The following ARAP2 variants were observed in gnomAD, a reference collection of about 807,000 sequenced individuals.
ARAP2 encodes arf-GAP with Rho-GAP domain, ANK repeat and PH domain-containing protein 2.
A neutral mutation model predicts 194.5 loss-of-function variants in ARAP2; 148 were observed. That is an observed-to-expected ratio of 0.76 (90% CI 0.67 to 0.87). ARAP2 has a LOEUF of 0.87. Ranked by LOEUF, ARAP2 falls within the 40% of genes least tolerant of loss-of-function variation. ARAP2 has a pLI of 0.00. For missense variants in ARAP2, 2,128 were observed against 1,989.7 expected (o/e 1.07, Z -1.32); for synonymous variants, 695 against 683.5 (o/e 1.02, Z -0.26).
chr4:36,015,596 A>G (rs1715638663), exon 8 of ARAP2: 1 of 152,212 alleles, frequency 6.6e-6, no homozygotes, highest in African/African-American at 2.4e-5. Context: ...GATTCTTCAC[A>G]TATGGTATAT....
At chr4:36,040,745 G>C (rs886458602) in intron 5 of ARAP2, among the ~76,000 whole-genome samples, 1 of 152,166 alleles carries the variant, frequency 6.6e-6, no homozygotes, top group Non-Finnish European at 1.5e-5. Context: ...TGGGTCGAGA[G>C]TACGGGGTTT....
At chr4:36,074,191 T>C (rs1318322824) in intron 31 of ARAP2, among the ~76,000 whole-genome samples, 2 of 152,150 alleles carry the variant, frequency 1.3e-5, no homozygotes, top group Non-Finnish European at 2.9e-5. Flanking sequence ...TTACACCAAA[T>C]ATGATTTCAG....
At chr4:36,072,804 C>G (rs572091038) in intron 32 of ARAP2, among the ~76,000 whole-genome samples, 2 of 151,790 alleles carry the variant, frequency 1.3e-5, no homozygotes, top group African/African-American at 4.8e-5. Flanking sequence ...AACAAAGGAC[C>G]ATTATTTTTG....
At chr4:36,210,160 T>C (rs1746425166) in intron 6 of ARAP2, among the ~76,000 whole-genome samples, 1 of 152,156 alleles carries the variant, frequency 6.6e-6, no homozygotes, top group Admixed American at 6.6e-5. Context: ...TAACTTTCTA[T>C]TTTAATTTGC....
At chr4:36,152,209 G>T (rs1028902907) in intron 15 of ARAP2, among the ~76,000 whole-genome samples, 1 of 152,084 alleles carries the variant, frequency 6.6e-6, no homozygotes, top group Admixed American at 6.5e-5. Flanking sequence ...TAGCATAAAC[G>T]AATCCTTTAT....
At chr4:36,072,112 A>T (rs897305020) in intron 32 of ARAP2, among the ~76,000 whole-genome samples, 36 of 144,382 alleles carry the variant, frequency 2.5e-4, no homozygotes, top group Admixed American at 4.8e-4. Flanking sequence ...AATTTTTTTA[A>T]AAAAATTTCT....
intron 27 of ARAP2, among the ~76,000 whole-genome samples, chr4:36,095,693 A>T (rs1021757752): frequency 2.6e-5 from 4 of 152,062 alleles, no homozygotes; most frequent in Non-Finnish European, 5.9e-5. Context: ...TTGTGAGAAC[A>T]TCAAATTTGT....
At chr4:36,092,116 A>G in intron 27 of ARAP2, 96 bp from the exon 28 acceptor site, 4 of 1,355,316 alleles carry the variant, frequency 3.0e-6, no homozygotes, top group African/African-American at 1.4e-5. Flanking sequence ...AGAAAAAATA[A>G]GAACTTGTTT....
At chr4:36,024,973 G>A (rs1203987156) in intron 5 of ARAP2, among the ~76,000 whole-genome samples, 1 of 152,098 alleles carries the variant, frequency 6.6e-6, no homozygotes, top group Non-Finnish European at 1.5e-5. Flanking sequence ...TTTCTCCAGT[G>A]TCATTATAGT....
At chr4:36,143,983 T>C (rs1242717607) in intron 19 of ARAP2, among the ~76,000 whole-genome samples, 1 of 151,942 alleles carries the variant, frequency 6.6e-6, no homozygotes, top group East Asian at 1.9e-4. Flanking sequence ...AGCGGTAAGA[T>C]CAAAATGTAC....
At chr4:36,062,095 T>C (rs1724538247), downstream of ARAP2, among the ~76,000 whole-genome samples, 1 of 152,204 alleles carries the variant, frequency 6.6e-6, no homozygotes, top group Admixed American at 6.5e-5. Context: ...ATTCTGTGGA[T>C]TGTCTCTTCA....
At chr4:36,028,055 T>G (rs577523827) in intron 5 of ARAP2, among the ~76,000 whole-genome samples, 1 of 152,308 alleles carries the variant, frequency 6.6e-6, no homozygotes, top group South Asian at 2.1e-4. Context: ...TCTTGCATTC[T>G]CAGAATAAAT....
chr4:36,016,016 T>C (rs1577540168), intron 6 of ARAP2: 1 of 152,162 alleles, frequency 6.6e-6, no homozygotes, highest in Non-Finnish European at 1.5e-5. Context: ...AATCACAGCA[T>C]TGTCTGTAAA....
At chr4:36,194,544 G>A (rs1201000060) in intron 6 of ARAP2, among the ~76,000 whole-genome samples, 1 of 152,100 alleles carries the variant, frequency 6.6e-6, no homozygotes, top group Admixed American at 6.5e-5. Flanking sequence ...TTAAAACAAG[G>A]AGTTGGCATA....
chr4:36,189,807 G>C (rs1156230815), intron 7 of ARAP2, among the ~76,000 whole-genome samples: 1 of 152,106 alleles, frequency 6.6e-6, no homozygotes, highest in East Asian at 1.9e-4. Context: ...GTCATCAGTA[G>C]TCTATGTAAC....
Position 36,204,987 on chromosome 4 carries a change from C to CAAAAAAAAAAAAAAAAAAAAAAAAAA in ARAP2, c.1487+5377_1487+5402dup, listed in dbSNP as rs754960122. Among the ~76,000 whole-genome samples the CAAAAAAAAAAAAAAAAAAAAAAAAAA allele has an allele frequency of 1.4e-4, 5 of 35,084 alleles. 1 individual carries two copies. The highest frequency in any genetic ancestry group is 2.7e-4 in the African/African-American group (2 of 7,470). 23.0% of individuals were successfully genotyped at this position (35,084 alleles called of 152,430 possible). ...TGGGCAACCGAGCGAGACTCCATCT[C>CAAAAAAAAAAAAAAAAAAAAAAAAAA]AAAAAAAAAAAAAAAAAAAAAAAAA... On this transcript the variant is annotated intron_variant, in intron 6 of 32. Coordinates refer to ENST00000303965, the MANE Select transcript of ARAP2 (RefSeq NM_015230.4).
At chr4:36,076,621 G>T (rs1728314054) in intron 31 of ARAP2, among the ~76,000 whole-genome samples, 1 of 150,842 alleles carries the variant, frequency 6.6e-6, no homozygotes, top group South Asian at 2.1e-4. Flanking sequence ...CCTCCTCCAT[G>T]CTTCCCTCTC....
chr4:36,179,986 T>G (rs1738846339), intron 8 of ARAP2, among the ~76,000 whole-genome samples: 1 of 152,312 alleles, frequency 6.6e-6, no homozygotes. Context: ...ATATTTGTGC[T>G]TGATGGCTGG....
intron 31 of ARAP2, among the ~76,000 whole-genome samples, chr4:36,078,840 C>A (rs2109336320): frequency 6.6e-6 from 1 of 152,198 alleles, no homozygotes; most frequent in East Asian, 1.9e-4. Context: ...CCCAACTTTA[C>A]CAAAAGACTT....
Sources: allele counts gnomAD v4.1 joint callset (sites outside exome capture counted in the v4.1 genomes callset), GRCh38; gene constraint gnomAD v4.1.1; transcripts MANE v1.5; gene names NCBI Gene and HGNC (gene_info 2026-07-23, HGNC 2026-07-21).